Variants in SLC44A5 observed in about 807,000 individuals in gnomAD.
SLC44A5 encodes solute carrier family 44 member 5.
Under a neutral mutation model 101.8 loss-of-function variants are expected in SLC44A5, and 57 were observed. The ratio of observed to expected loss-of-function variants is 0.56; its 90% CI spans 0.45 to 0.70. The LOEUF is 0.70. Ranked by LOEUF, SLC44A5 falls within the 30% of genes least tolerant of loss-of-function variation. The pLI, the probability that SLC44A5 is intolerant of heterozygous loss-of-function variation, is 0.00. For synonymous variants in SLC44A5, 281 were observed against 290.9 expected, an observed-to-expected ratio of 0.97 and a Z score of 0.35; for missense variants, 737 against 853.1, an observed-to-expected ratio of 0.86 and a Z score of 1.70.
intron 14 of SLC44A5, among the ~76,000 whole-genome samples, chr1:75,221,335 C>CTT (rs1647075726): frequency 1.3e-5 from 2 of 152,150 alleles, no homozygotes; most frequent in Admixed American, 1.3e-4. Flanking sequence ...ATAATGCTTT[C>CTT]CCGGTTACTT....
In SLC44A5 at chr1:75,218,479, T is replaced by C. The variant is rs1267359459; in HGVS notation, c.1529+11A>G. ...TGACAAGATAGGTGTAGGCTTCAACTTGAAACTTACCGTATGGCTCGTCCA... is the reference window on the plus strand; with the variant it reads ...TGACAAGATAGGTGTAGGCTTCAACCTGAAACTTACCGTATGGCTCGTCCA... On this transcript the variant is annotated intron_variant, in intron 17 of 23. Transcript: ENST00000370859. 1 of 1,613,410 alleles carries C rather than the reference T, an allele frequency of 6.2e-7. No homozygotes were observed. The highest frequency in any genetic ancestry group is 8.5e-7 in the Non-Finnish European group (1 of 1,179,436).
chr1:75,669,655 A>G, the SLC44A5 span, among the ~76,000 whole-genome samples: 1 of 152,124 alleles, frequency 6.6e-6, no homozygotes, highest in Admixed American at 6.6e-5. Context: ...CGCCACTATA[A>G]GTTCTCCCTT....
chr1:75,266,747 C>T (rs1651026034), intron 6 of SLC44A5, among the ~76,000 whole-genome samples: 1 of 152,130 alleles, frequency 6.6e-6, no homozygotes, highest in Admixed American at 6.6e-5. Flanking sequence ...ATTGTAATGC[C>T]AGACAATGCT....
At chr1:75,416,079 A>G (rs1407864115) in intron 2 of SLC44A5, among the ~76,000 whole-genome samples, 2 of 152,194 alleles carry the variant, frequency 1.3e-5, no homozygotes, top group Non-Finnish European at 2.9e-5. Context: ...CTGAATGTTA[A>G]TCCCCAAGAC....
the SLC44A5 span, among the ~76,000 whole-genome samples, chr1:75,674,411 C>T: frequency 7.4e-4 from 112 of 151,750 alleles, 2 homozygotes; most frequent in East Asian, 0.02. Context: ...TGAAATTTTG[C>T]TCTTGTCGCC....
At chr1:75,481,856 A>G (rs1667877844) in intron 2 of SLC44A5, among the ~76,000 whole-genome samples, 1 of 152,236 alleles carries the variant, frequency 6.6e-6, no homozygotes, top group South Asian at 2.1e-4. Flanking sequence ...GCGATTCCTC[A>G]GGGATCTAGA....
At chr1:75,239,810 C>T (rs1348185475) in intron 9 of SLC44A5, among the ~76,000 whole-genome samples, 1 of 152,000 alleles carries the variant, frequency 6.6e-6, no homozygotes, top group Non-Finnish European at 1.5e-5. Context: ...CATTACCTAG[C>T]ACAAGGCTTG....
chr1:75,619,631 A>C, the SLC44A5 span, among the ~76,000 whole-genome samples: 1 of 152,160 alleles, frequency 6.6e-6, no homozygotes, highest in African/African-American at 2.4e-5. Flanking sequence ...ACTATGAGCT[A>C]TGTGTCCATG....
At chr1:75,601,366 G>A (rs1387205433) in intron 1 of SLC44A5, among the ~76,000 whole-genome samples, 1 of 149,608 alleles carries the variant, frequency 6.7e-6, no homozygotes, top group Non-Finnish European at 1.5e-5. Context: ...CAAACACTGG[G>A]GCTTGTCGGG....
intron 2 of SLC44A5, among the ~76,000 whole-genome samples, chr1:75,436,649 T>G (rs1570272450): frequency 6.6e-6 from 1 of 152,232 alleles, no homozygotes; most frequent in East Asian, 1.9e-4. Context: ...TACACAAAAT[T>G]TATACACAAA....
At chr1:75,212,064 A>G (rs1646869066) in intron 22 of SLC44A5, among the ~76,000 whole-genome samples, 1 of 152,214 alleles carries the variant, frequency 6.6e-6, no homozygotes, top group South Asian at 2.1e-4. Flanking sequence ...TCTTTAGAAG[A>G]AAGAGAGAAC....
intron 6 of SLC44A5, among the ~76,000 whole-genome samples, chr1:75,261,188 G>A (rs574437126): frequency 6.6e-6 from 1 of 152,084 alleles, no homozygotes; most frequent in Admixed American, 6.5e-5. Context: ...AGAACGGAAG[G>A]GCACAGAGAC....
At chr1:75,582,296 C>T (rs1362969013) in intron 1 of SLC44A5, 11 of 1,527,884 alleles carry the variant, frequency 7.2e-6, no homozygotes, top group Middle Eastern at 4.2e-4. Context: ...CATGAGTGCA[C>T]GTGCAAAGGC....
chr1:75,679,544 T>C, the SLC44A5 span, among the ~76,000 whole-genome samples: 1 of 151,570 alleles, frequency 6.6e-6, no homozygotes, highest in Non-Finnish European at 1.5e-5. Flanking sequence ...ATAAAATACT[T>C]TACAGACAAG....
chr1:75,588,551 G>C (rs1011299488), intron 1 of SLC44A5, among the ~76,000 whole-genome samples: 1 of 152,060 alleles, frequency 6.6e-6, no homozygotes, highest in African/African-American at 2.4e-5. Context: ...AAAATGGTTA[G>C]GTTCTGGGAA....
intron 5 of SLC44A5, among the ~76,000 whole-genome samples, chr1:75,298,685 G>T (rs918876922): frequency 6.6e-6 from 1 of 152,032 alleles, no homozygotes; most frequent in Non-Finnish European, 1.5e-5. Context: ...CTGGTCACAG[G>T]ATGAGATCTT....
intron 19 of SLC44A5, among the ~76,000 whole-genome samples, chr1:75,215,286 A>G (rs532557209): frequency 6.6e-6 from 1 of 152,130 alleles, no homozygotes; most frequent in Non-Finnish European, 1.5e-5. Context: ...AGGAATTTCC[A>G]TATAGCCATA....
chr1:75,238,444 T>C (rs1648319971), intron 10 of SLC44A5, 69 bp downstream of exon 10: 13 of 1,194,432 alleles, frequency 1.1e-5, no homozygotes, highest in African/African-American at 4.8e-5. Context: ...CTTAACCCAA[T>C]AGGCGCTTTA....
intron 2 of SLC44A5, among the ~76,000 whole-genome samples, chr1:75,525,834 A>G (rs900836157): frequency 6.6e-6 from 1 of 152,252 alleles, no homozygotes; most frequent in Non-Finnish European, 1.5e-5. Context: ...AAAAGTTCAC[A>G]TACTTACAAA....
Sources: allele counts gnomAD v4.1 joint callset (sites outside exome capture counted in the v4.1 genomes callset), GRCh38; gene constraint gnomAD v4.1.1; transcripts MANE v1.5; gene names NCBI Gene and HGNC (gene_info 2026-07-23, HGNC 2026-07-21).